Variants in POLR1A observed in about 807,000 individuals in gnomAD.
The protein encoded by POLR1A is RNA polymerase I subunit A.
A neutral mutation model predicts 205.3 loss-of-function variants in POLR1A; 84 were observed. The ratio of observed to expected loss-of-function variants is 0.41; its 90% CI spans 0.34 to 0.49. POLR1A has a LOEUF of 0.49. Ranked by LOEUF, POLR1A falls within the 20% of genes least tolerant of loss-of-function variation. POLR1A has a pLI of 0.22. For synonymous variants in POLR1A, 799 were observed against 863.7 expected (o/e 0.93, Z 1.31); for missense variants, 1,645 against 2,204.5 (o/e 0.75, Z 5.08).
chr2:86,027,771 A>T, intron 33 of POLR1A, 114 bp downstream of exon 33: 1 of 1,243,146 alleles, frequency 8.0e-7, no homozygotes, highest in Non-Finnish European at 1.2e-6. Context: ...CGCTCCCCTC[A>T]GATCCCAAGA....
intron 3 of POLR1A, among the ~76,000 whole-genome samples, chr2:86,090,874 G>GT (rs1294894323): frequency 3.3e-5 from 5 of 152,240 alleles, no homozygotes; most frequent in African/African-American, 1.2e-4. Context: ...GAGCCCAGGT[G>GT]TTTGAGGCTG....
chr2:86,095,817 T>C (rs1344379854), intron 3 of POLR1A, among the ~76,000 whole-genome samples: 3 of 151,752 alleles, frequency 2.0e-5, no homozygotes, highest in Non-Finnish European at 4.4e-5. Flanking sequence ...AAGCTCTGCC[T>C]CCTGGGTTCA....
intron 18 of POLR1A, among the ~76,000 whole-genome samples, chr2:86,048,501 T>C (rs1373552816): frequency 1.3e-5 from 2 of 152,204 alleles, no homozygotes; most frequent in East Asian, 1.9e-4. Context: ...GAGCCAGGAC[T>C]GGAACCTGAG....
chr2:86,049,930 T>C (rs949964152), intron 16 of POLR1A, among the ~76,000 whole-genome samples: 9 of 151,938 alleles, frequency 5.9e-5, no homozygotes, highest in Non-Finnish European at 1.2e-4. Flanking sequence ...TTTGTTTTTG[T>C]TTTTTGAGAC....
chr2:86,046,673 G>A (rs984634600), intron 19 of POLR1A, among the ~76,000 whole-genome samples: 7 of 151,934 alleles, frequency 4.6e-5, no homozygotes, highest in African/African-American at 9.7e-5. Flanking sequence ...GTGAAACCCC[G>A]TCTCTACTAA....
In POLR1A at chr2:86,048,982, A is replaced by C; in HGVS notation, c.2536T>G (p.Trp846Gly). 2 of 1,614,160 alleles carry C rather than the reference A, an allele frequency of 1.2e-6. No individual in the cohort carries two copies. Among genetic ancestry groups the C allele is most frequent in the Non-Finnish European group, 8.5e-7 (1 of 1,179,994 alleles). Residue 846 changes from tryptophan (W) to glycine (G), a missense_variant, in exon 18 of 34, where the codon TGG becomes GGG. Transcript: ENST00000263857. Reference protein sequence around the residue: ...AASYDEVRGKWQDAHLGKDQR... With the variant: ...AASYDEVRGKGQDAHLGKDQR... Reference sequence around the variant, plus strand: ...TCCTTGCCCAGATGGGCATCCTGCCATTTTCCTCGGACCTCATCATATGAT... The same window carrying C: ...TCCTTGCCCAGATGGGCATCCTGCCCTTTTCCTCGGACCTCATCATATGAT...
chr2:86,029,915 CAAGGA>C (rs1672351103), intron 31 of POLR1A, among the ~76,000 whole-genome samples: 1 of 152,056 alleles, frequency 6.6e-6, no homozygotes, highest in African/African-American at 2.4e-5. Flanking sequence ...GTCTTAATTT[CAAGGA>C]AAAAACTCTA....
At chr2:86,040,638 C>T (rs564282941) in intron 24 of POLR1A, 79 bp from the exon 25 acceptor site, 22 of 1,161,250 alleles carry the variant, frequency 1.9e-5, no homozygotes, top group East Asian at 1.8e-4. Flanking sequence ...CAATGCTGCC[C>T]GAAACCAGAA....
chr2:86,090,449 T>G (rs1165603281), intron 3 of POLR1A, among the ~76,000 whole-genome samples: 2 of 150,460 alleles, frequency 1.3e-5, no homozygotes, highest in Non-Finnish European at 2.9e-5. Context: ...GTGGGCTAGA[T>G]TCCCCAGACC....
At chr2:86,066,914 C>G (rs1673091750) in intron 13 of POLR1A, among the ~76,000 whole-genome samples, 1 of 152,166 alleles carries the variant, frequency 6.6e-6, no homozygotes, top group Non-Finnish European at 1.5e-5. Flanking sequence ...CCTAGATGGT[C>G]TTATTTTGCT....
chr2:86,096,965 T>A (rs534907017), intron 3 of POLR1A, among the ~76,000 whole-genome samples: 2 of 152,116 alleles, frequency 1.3e-5, no homozygotes, highest in South Asian at 4.1e-4. Flanking sequence ...AAACTATTCA[T>A]CTTAGGGACA....
intron 19 of POLR1A, among the ~76,000 whole-genome samples, chr2:86,046,232 C>T (rs370816288): frequency 6.6e-6 from 1 of 152,196 alleles, no homozygotes; most frequent in East Asian, 1.9e-4. Flanking sequence ...AAGTTTGAGA[C>T]CACCCTGGGC....
intron 7 of POLR1A, 29 bp from the exon 8 acceptor site, chr2:86,081,735 AC>A: frequency 7.2e-7 from 1 of 1,390,918 alleles, no homozygotes; most frequent in Non-Finnish European, 1.0e-6. Flanking sequence ...AACCAAGAAG[AC>A]CATTTAAATC....
At chr2:86,033,498 A>AG (rs1303341011) in intron 28 of POLR1A, among the ~76,000 whole-genome samples, 163 bp downstream of exon 28, 1 of 152,212 alleles carries the variant, frequency 6.6e-6, no homozygotes, top group African/African-American at 2.4e-5. Flanking sequence ...CCAAGAAGTG[A>AG]ATGCTGCTTC....
chr2:86,050,367 A>AG (rs1170344125), intron 16 of POLR1A, among the ~76,000 whole-genome samples: 5 of 152,250 alleles, frequency 3.3e-5, no homozygotes, highest in African/African-American at 4.8e-5. Flanking sequence ...AGGGCTTCTA[A>AG]GAACATGTGT....
At chr2:86,093,082 T>C (rs1287528310) in intron 3 of POLR1A, among the ~76,000 whole-genome samples, 1 of 152,234 alleles carries the variant, frequency 6.6e-6, no homozygotes, top group Admixed American at 6.5e-5. Flanking sequence ...TTCACCATGT[T>C]AGCTGGTTTA....
At position 86,052,086 on chromosome 2, in the gene POLR1A, A is replaced by G. The variant is rs550819801; in HGVS notation, c.2392+731T>C. On this transcript the variant is annotated intron_variant, in intron 16 of 33. Coordinates refer to ENST00000263857, the MANE Select transcript of POLR1A (RefSeq NM_015425.6). ...CAGCCTCCTGAGTAGCTGGGATTAC[A>G]GGTGCTTGCCACGACACCTGGCTAA... Among the ~76,000 whole-genome samples, 3 of 152,324 alleles carry G rather than the reference A, an allele frequency of 2.0e-5. No individual in the cohort carries two copies. In the South Asian group the frequency reaches 6.2e-4, roughly 32 times the overall value.
At chr2:86,045,897 A>G in intron 19 of POLR1A, 128 bp from the exon 20 acceptor site, 1 of 749,412 alleles carries the variant, frequency 1.3e-6, no homozygotes, top group Non-Finnish European at 2.2e-6. Context: ...TTGAAGGCTA[A>G]CCTACATTTC....
chr2:86,099,874 G>T lies in POLR1A; in HGVS notation c.282+94C>A, dbSNP rs1156542060. The T allele has an allele frequency of 3.9e-6, 4 of 1,025,482 alleles. No homozygotes were observed. The East Asian group carries it at 9.8e-5, about 25-fold the overall frequency. 63.5% of individuals were successfully genotyped at this position (1,025,482 alleles called of 1,614,324 possible). On this transcript the variant is annotated intron_variant, in intron 2 of 33. Coordinates refer to ENST00000263857, the MANE Select transcript of POLR1A (RefSeq NM_015425.6). ...GAATGCTTTCATTGGAGTGCCTGGG[G>T]CTTAACCTCCTTAGACCACTCTTGT...
Sources: allele counts gnomAD v4.1 joint callset (sites outside exome capture counted in the v4.1 genomes callset), GRCh38; gene constraint gnomAD v4.1.1; transcripts MANE v1.5; gene names NCBI Gene and HGNC (gene_info 2026-07-23, HGNC 2026-07-21).